ELOVL6: variants seen among roughly 807,000 people sequenced by gnomAD.
The protein encoded by ELOVL6 is ELOVL fatty acid elongase 6.
ELOVL6 carries 8 observed loss-of-function variants against 31.7 expected under a neutral mutation model. The observed-to-expected ratio is 0.25, with a 90% CI of 0.15 to 0.45. The LOEUF (loss-of-function observed/expected upper bound fraction) is 0.45. Ranked by LOEUF, ELOVL6 falls within the 20% of genes least tolerant of loss-of-function variation. The pLI is 1.00. For missense variants in ELOVL6, 126 were observed against 326.4 expected (o/e 0.39, Z 4.73); for synonymous variants, 101 against 117.7 (o/e 0.86, Z 0.92).
chr4:110,053,194 C>T (rs1236221050), intron 3 of ELOVL6, among the ~76,000 whole-genome samples: 1 of 152,206 alleles, frequency 6.6e-6, no homozygotes, highest in Non-Finnish European at 1.5e-5. Flanking sequence ...GGACTATAGG[C>T]GTGAGCCACC....
Position 110,176,297 on chromosome 4 carries a change from G to A in ELOVL6, c.89+21950C>T, listed in dbSNP as rs373120636. On this transcript the variant is annotated intron_variant, in intron 1 of 3. Coordinates refer to ENST00000302274, the MANE Select transcript of ELOVL6 (RefSeq NM_024090.3). Reference sequence around the variant, plus strand: ...CCTGCCTCAGCCTCTCAAGTAGCTGGGACTACAGGCACATACCATCACACC... The same window carrying A: ...CCTGCCTCAGCCTCTCAAGTAGCTGAGACTACAGGCACATACCATCACACC... Among the ~76,000 whole-genome samples, 4 of 151,872 alleles carry A rather than the reference G, an allele frequency of 2.6e-5. No individual in the cohort carries two copies. The East Asian group carries it at 7.7e-4, about 29-fold the overall frequency.
Position 110,198,323 on chromosome 4 carries a change from C to A in ELOVL6, c.13G>T (p.Val5Leu), listed in dbSNP as rs1358326236. ...AATTCATATTCTTGTAAAGTCAACA[C>A]TGACATGTTCATTGGGGCTGATCTT... is the stretch of plus-strand genomic sequence containing the variant. MNMS[V>L]LTLQEYEFEK... The change falls in exon 1 of 4, where the codon GTG (valine) becomes TTG (leucine). Residue 5 changes from valine to leucine, a missense_variant. This residue lies in a region of ELOVL6 where 16 missense variants were observed against 22.8 expected (regional missense o/e 0.70). Transcript: ENST00000302274. The A allele has an allele frequency of 6.2e-7, 1 of 1,606,254 alleles. No homozygotes were observed. Among genetic ancestry groups the A allele is most frequent in the African/African-American group, 1.3e-5 (1 of 74,922 alleles).
Position 110,144,054 on chromosome 4 carries a change from C to CAAAAA in ELOVL6, c.90-38431_90-38427dup, listed in dbSNP as rs10716398. 8.6e-4 allele frequency among the ~76,000 whole-genome samples: 74 copies of CAAAAA among 85,574 alleles called. 1 individual carries two copies. The highest frequency in any genetic ancestry group is 3.1e-3 in the African/African-American group (71 of 23,078). 56.1% of individuals were successfully genotyped at this position (85,574 alleles called of 152,430 possible). ...GGGCAACAAGAGCGAAACTCCATCT[C>CAAAAA]AAAAAAAAAAAAAAAAAAAAAGATG... On this transcript the variant is annotated intron_variant, in intron 1 of 3. Coordinates refer to ENST00000302274, the MANE Select transcript of ELOVL6 (RefSeq NM_024090.3).
In ELOVL6 at chr4:110,116,433, T is replaced by A. The variant is rs557494764; in HGVS notation, c.90-10805A>T. 2.0e-5 allele frequency among the ~76,000 whole-genome samples: 3 copies of A among 152,344 alleles called. No homozygotes were observed. The South Asian group carries it at 6.2e-4, about 32-fold the overall frequency. On this transcript the variant is annotated intron_variant, in intron 1 of 3. Transcript: ENST00000302274. The stretch of plus-strand genomic sequence containing the variant: ...CCAAAGGGCGAGAGCAACACTCTTA[T>A]GGAGATTGTCTTTAAGCAACTCATT...
upstream of ELOVL6, chr4:110,199,100 C>G (rs1422078264): frequency 6.7e-6 from 1 of 149,372 alleles, no homozygotes; most frequent in Non-Finnish European, 1.5e-5. Context: ...TCACGCTAAC[C>G]CAGGCCCTGC....
Position 110,072,470 on chromosome 4 carries a change from G to A in ELOVL6, c.222-12716C>T, listed in dbSNP as rs145029540. 4.6e-3 allele frequency among the ~76,000 whole-genome samples: 701 copies of A among 152,116 alleles called. 4 individuals carry two copies. The highest frequency in any genetic ancestry group is 8.7e-3 in the Non-Finnish European group (591 of 67,966). ...CAGCCTGGTGACAGAGAGAGACTCC[G>A]TCTCAAAAAAAATCCTTTGTACTAG... On this transcript the variant is annotated intron_variant, in intron 2 of 3. Coordinates refer to ENST00000302274, the MANE Select transcript of ELOVL6 (RefSeq NM_024090.3).
intron 1 of ELOVL6, among the ~76,000 whole-genome samples, chr4:110,180,757 A>C (rs1759247856): frequency 6.6e-6 from 1 of 152,170 alleles, no homozygotes; most frequent in Admixed American, 6.5e-5. Context: ...TAAGTGGTCT[A>C]TAGCTTAAGA....
At position 110,186,943 on chromosome 4, in the gene ELOVL6, G is replaced by A. The variant is rs550809951; in HGVS notation, c.89+11304C>T. On this transcript the variant is annotated intron_variant, in intron 1 of 3. Transcript: ENST00000302274. The stretch of plus-strand genomic sequence containing the variant: ...AAAAAACTATCAATTGAATAAAACC[G>A]TGGATGTCAATGTTCCGTGATTTCA... 1.6e-3 allele frequency among the ~76,000 whole-genome samples: 225 copies of A among 142,224 alleles called. 1 individual carries two copies. The highest frequency in any genetic ancestry group is 5.3e-3 in the African/African-American group (204 of 38,456). 93.3% of individuals were successfully genotyped at this position (142,224 alleles called of 152,430 possible). A position where few individuals can be genotyped will look rare whatever the true frequency, so the allele number is the denominator to read the frequency against.
chr4:110,079,771 A>C (rs1331467705), intron 2 of ELOVL6, among the ~76,000 whole-genome samples: 1 of 141,634 alleles, frequency 7.1e-6, no homozygotes, highest in Non-Finnish European at 1.6e-5. Context: ...AGACACAAAA[A>C]ACCCTTCAAA....
chr4:110,141,146 C>T (rs1467104404), intron 1 of ELOVL6, among the ~76,000 whole-genome samples: 1 of 152,126 alleles, frequency 6.6e-6, no homozygotes, highest in East Asian at 1.9e-4. Flanking sequence ...TCACCGCAAC[C>T]TCTGCCTCCC....
chr4:110,091,846 G>T (rs780881188), intron 2 of ELOVL6, among the ~76,000 whole-genome samples: 14 of 152,146 alleles, frequency 9.2e-5, no homozygotes, highest in Non-Finnish European at 1.6e-4. Flanking sequence ...TTAGGAAATT[G>T]CAATGTGCAA....
chr4:110,102,780 C>T (rs928384024), intron 2 of ELOVL6, among the ~76,000 whole-genome samples: 1 of 152,030 alleles, frequency 6.6e-6, no homozygotes. Flanking sequence ...CAACAACCAC[C>T]TTTAGTACCC....
chr4:110,094,418 T>TA (rs1756508579), intron 2 of ELOVL6, among the ~76,000 whole-genome samples: 2 of 53,576 alleles, frequency 3.7e-5, no homozygotes, highest in Middle Eastern at 7.6e-3. Flanking sequence ...TATATATATA[T>TA]ATATATATAT....
chr4:110,143,768 G>A (rs1028324488), intron 1 of ELOVL6, among the ~76,000 whole-genome samples: 1 of 152,118 alleles, frequency 6.6e-6, no homozygotes, highest in Admixed American at 6.5e-5. Context: ...TATAAGAAGA[G>A]GGGCAGGCCG....
At chr4:110,193,370 C>T (rs1404369962) in intron 1 of ELOVL6, among the ~76,000 whole-genome samples, 8 of 152,082 alleles carry the variant, frequency 5.3e-5, no homozygotes, top group Admixed American at 2.0e-4. Flanking sequence ...TTTCGGAGGC[C>T]GAGGTGGGCG....
At chr4:110,077,439 G>A (rs1159090593) in intron 2 of ELOVL6, among the ~76,000 whole-genome samples, 5 of 152,254 alleles carry the variant, frequency 3.3e-5, no homozygotes, top group South Asian at 2.1e-4. Flanking sequence ...ACCAATATCC[G>A]CTGTTCTGCA....
chr4:110,136,250 T>C (rs147230908), intron 1 of ELOVL6, among the ~76,000 whole-genome samples: 2 of 152,198 alleles, frequency 1.3e-5, no homozygotes, highest in African/African-American at 2.4e-5. Flanking sequence ...GCATTAGGAA[T>C]AGGCACATAA....
At chr4:110,066,728 C>A (rs1038552833) in intron 2 of ELOVL6, among the ~76,000 whole-genome samples, 1 of 151,424 alleles carries the variant, frequency 6.6e-6, no homozygotes, top group South Asian at 2.1e-4. Flanking sequence ...AACTCTAAAC[C>A]CTTTCCACAC....
chr4:110,144,718 T>C (rs1431974415), intron 1 of ELOVL6, among the ~76,000 whole-genome samples: 1 of 152,122 alleles, frequency 6.6e-6, no homozygotes, highest in Non-Finnish European at 1.5e-5. Context: ...CCATCACCAA[T>C]AAAAATACAA....
Sources: allele counts gnomAD v4.1 joint callset (sites outside exome capture counted in the v4.1 genomes callset), GRCh38; gene constraint gnomAD v4.1.1; regional missense constraint gnomAD v4.1.1; transcripts MANE v1.5; gene names NCBI Gene and HGNC (gene_info 2026-07-23, HGNC 2026-07-21).